Variants in HNF4G observed in about 807,000 individuals in gnomAD.
HNF4G encodes the protein hepatocyte nuclear factor 4-gamma.
A neutral mutation model predicts 50.9 loss-of-function variants in HNF4G; 21 were observed. The ratio of observed to expected loss-of-function variants is 0.41; its 90% CI spans 0.29 to 0.59. The LOEUF (loss-of-function observed/expected upper bound fraction) is 0.59. HNF4G is among the 20% of genes least tolerant of loss of function. The probability of loss-of-function intolerance (pLI) is 0.26; values close to 1 mark genes in which losing one functional copy is unlikely to be tolerated. For missense variants in HNF4G, 527 were observed against 559.4 expected (o/e 0.94, Z 0.58); for synonymous variants, 198 against 185.6 (o/e 1.07, Z -0.54).
intron 2 of HNF4G, among the ~76,000 whole-genome samples, chr8:75,497,525 A>C (rs908607794): frequency 6.6e-6 from 1 of 152,028 alleles, no homozygotes; most frequent in Non-Finnish European, 1.5e-5. Flanking sequence ...CTCTACTAAA[A>C]ATACAAAAAT....
chr8:75,483,894 G>A (rs931246472), intron 1 of HNF4G, among the ~76,000 whole-genome samples: 2 of 152,028 alleles, frequency 1.3e-5, no homozygotes, highest in African/African-American at 2.4e-5. Flanking sequence ...ATAATAAACA[G>A]CACTGATATA....
intron 1 of HNF4G, among the ~76,000 whole-genome samples, chr8:75,428,923 A>G (rs977682860): frequency 6.6e-6 from 1 of 152,166 alleles, no homozygotes; most frequent in Admixed American, 6.6e-5. Context: ...GCAAAAGTAG[A>G]TACGGGAAGA....
At chr8:75,533,821 G>A (rs893264992) in intron 2 of HNF4G, among the ~76,000 whole-genome samples, 6 of 151,756 alleles carry the variant, frequency 4.0e-5, no homozygotes, top group African/African-American at 1.4e-4. Flanking sequence ...ATCTAAGAAA[G>A]CTTTAAAGAG....
chr8:75,560,457 G>T lies in HNF4G; in HGVS notation c.1237G>T (p.Asp413Tyr). 6.2e-7 allele frequency: 1 copy of T among 1,611,094 alleles called. No homozygotes were observed. The highest frequency in any genetic ancestry group is 1.1e-5 in the South Asian group (1 of 90,318). ...TCCCATGTCAACACTGGTTCATGCA[G>T]ACCAGATCTGTAAGTTTATAGACTA... is the stretch of plus-strand genomic sequence containing the variant. ...LGPMSTLVHA[D>Y]QISTPETPLP... The change falls in exon 9 of 10, where the codon GAC (aspartate) becomes TAC (tyrosine). Residue 413 changes from aspartate (D) to tyrosine (Y), a missense_variant. Transcript: ENST00000396423.
At chr8:75,495,182 T>C (rs1812736326) in intron 2 of HNF4G, among the ~76,000 whole-genome samples, 1 of 152,216 alleles carries the variant, frequency 6.6e-6, no homozygotes, top group Admixed American at 6.5e-5. Flanking sequence ...ATCCTCCTAC[T>C]CTTCTCATTG....
chr8:75,442,164 A>G (rs1811301291), intron 1 of HNF4G, among the ~76,000 whole-genome samples: 1 of 152,166 alleles, frequency 6.6e-6, no homozygotes, highest in South Asian at 2.1e-4. Context: ...AAAGAAATGC[A>G]AGAAGTTATT....
intron 9 of HNF4G, among the ~76,000 whole-genome samples, chr8:75,563,545 G>A (rs1028931483): frequency 6.6e-6 from 1 of 151,526 alleles, no homozygotes; most frequent in Non-Finnish European, 1.5e-5. Flanking sequence ...CTGAATTAGT[G>A]GAATCCAAAC....
chr8:75,492,488 A>AC (rs1327123125), intron 2 of HNF4G, among the ~76,000 whole-genome samples: 1 of 151,732 alleles, frequency 6.6e-6, no homozygotes, highest in East Asian at 1.9e-4. Flanking sequence ...CATTATTGTG[A>AC]CCCCCCTATG....
At chr8:75,417,133 A>G (rs1327371997) in intron 1 of HNF4G, among the ~76,000 whole-genome samples, 1 of 152,210 alleles carries the variant, frequency 6.6e-6, no homozygotes, top group Non-Finnish European at 1.5e-5. Context: ...ACACACACAC[A>G]CACACACACA....
intron 2 of HNF4G, among the ~76,000 whole-genome samples, chr8:75,531,382 A>C (rs1193020703): frequency 6.6e-6 from 1 of 152,170 alleles, no homozygotes; most frequent in Non-Finnish European, 1.5e-5. Flanking sequence ...CAAATTTAGC[A>C]TTTCAATACA....
intron 2 of HNF4G, among the ~76,000 whole-genome samples, chr8:75,491,198 G>A (rs949064668): frequency 1.3e-5 from 2 of 152,124 alleles, no homozygotes; most frequent in Non-Finnish European, 2.9e-5. Context: ...AGGATTATTG[G>A]AAGAATAAAT....
intron 1 of HNF4G, among the ~76,000 whole-genome samples, chr8:75,447,518 C>A (rs963263829): frequency 1.4e-5 from 2 of 146,026 alleles, no homozygotes; most frequent in African/African-American, 5.1e-5. Flanking sequence ...GGAGAAAATT[C>A]TTGCAACCTA....
chr8:75,456,330 G>A (rs185260261), intron 1 of HNF4G, among the ~76,000 whole-genome samples: 1 of 152,244 alleles, frequency 6.6e-6, no homozygotes, highest in Admixed American at 6.5e-5. Flanking sequence ...GTGGTATATG[G>A]CCTGAGATGT....
chr8:75,418,129 G>A (rs1426213090), intron 1 of HNF4G, among the ~76,000 whole-genome samples: 1 of 152,102 alleles, frequency 6.6e-6, no homozygotes, highest in Admixed American at 6.5e-5. Flanking sequence ...CAGGCTTGGT[G>A]TCTTCTGAAG....
chr8:75,458,109 T>C (rs1252804467), intron 1 of HNF4G, among the ~76,000 whole-genome samples: 2 of 152,142 alleles, frequency 1.3e-5, no homozygotes, highest in African/African-American at 4.8e-5. Flanking sequence ...ACTTCAGTTA[T>C]GTCTTAAGAC....
chr8:75,505,491 A>G (rs75112145), intron 2 of HNF4G, among the ~76,000 whole-genome samples: 6,778 of 152,242 alleles, frequency 0.045, 164 homozygotes, highest in South Asian at 0.055. Flanking sequence ...AAAGGTCTCA[A>G]AAGTTTGGGA....
chr8:75,455,258 C>A (rs375209726), intron 1 of HNF4G, among the ~76,000 whole-genome samples: 2 of 152,064 alleles, frequency 1.3e-5, no homozygotes, highest in East Asian at 3.9e-4. Context: ...CTGAAACATA[C>A]AATTTTTGAA....
intron 1 of HNF4G, among the ~76,000 whole-genome samples, chr8:75,488,587 G>A (rs574590421): frequency 2.0e-4 from 30 of 152,142 alleles, no homozygotes; most frequent in Middle Eastern, 6.8e-3. Context: ...CTCATTGGAC[G>A]TTTTGGACAA....
chr8:75,531,812 A>T (rs1806334194), intron 2 of HNF4G, among the ~76,000 whole-genome samples: 1 of 152,184 alleles, frequency 6.6e-6, no homozygotes, highest in Non-Finnish European at 1.5e-5. Flanking sequence ...CATTTTATAC[A>T]AAATGAGCAT....
Sources: allele counts gnomAD v4.1 joint callset (sites outside exome capture counted in the v4.1 genomes callset), GRCh38; gene constraint gnomAD v4.1.1; transcripts MANE v1.5; gene names NCBI Gene and HGNC (gene_info 2026-07-23, HGNC 2026-07-21).